Variants in RIOX2 observed in about 807,000 individuals in gnomAD.
The protein encoded by RIOX2 is 60S ribosomal protein L27a histidine hydroxylase.
Under a neutral mutation model 51.2 loss-of-function variants are expected in RIOX2, and 43 were observed. The ratio of observed to expected loss-of-function variants is 0.84; its 90% CI spans 0.66 to 1.08. The LOEUF (loss-of-function observed/expected upper bound fraction) is 1.08, where lower values mean the gene tolerates loss of function less well. RIOX2 is among the 50% of genes least tolerant of loss of function. RIOX2 has a pLI of 0.00. For missense variants in RIOX2, 566 were observed against 561.7 expected (o/e 1.01, Z -0.08); for synonymous variants, 226 against 218.5 (o/e 1.03, Z -0.30).
At chr3:97,969,519 G>A (rs1706039127) in intron 1 of RIOX2, among the ~76,000 whole-genome samples, 1 of 152,224 alleles carries the variant, frequency 6.6e-6, no homozygotes, top group South Asian at 2.1e-4. Flanking sequence ...GATTTTGGGA[G>A]AGTTTCCACC....
At chr3:97,955,699 C>T (rs950499625) in intron 4 of RIOX2, among the ~76,000 whole-genome samples, 3 of 152,126 alleles carry the variant, frequency 2.0e-5, no homozygotes, top group Admixed American at 2.0e-4. Flanking sequence ...CTGAGTGAGA[C>T]TCTCAGGTAT....
chr3:97,959,018 A>G lies in RIOX2; in HGVS notation c.681+33T>C, dbSNP rs766298564. 7 of 1,578,006 alleles carry G rather than the reference A, an allele frequency of 4.4e-6. No homozygotes were observed. In the Admixed American group the frequency reaches 1.1e-4, roughly 24 times the overall value. ...CAATAGGGGAAACCACAATGGCTCT[A>G]ACAATGAGGTGCCCACAACGGTTAT... On this transcript the variant is annotated intron_variant, in intron 4 of 9. Coordinates refer to ENST00000394198, the MANE Select transcript of RIOX2 (RefSeq NM_153182.4).
chr3:97,947,489 G>C (rs769175862), intron 7 of RIOX2, 40 bp from the exon 8 acceptor site: 2 of 1,524,432 alleles, frequency 1.3e-6, no homozygotes, highest in Non-Finnish European at 1.8e-6. Flanking sequence ...CTTCAAAAAA[G>C]GAAACAGGCA....
intron 1 of RIOX2, among the ~76,000 whole-genome samples, chr3:97,969,782 C>G (rs767181651): frequency 1.3e-5 from 2 of 152,286 alleles, no homozygotes; most frequent in South Asian, 4.1e-4. Context: ...CGCTCGAAGA[C>G]CCTTGGAGCC....
At chr3:97,971,888 A>T (rs1051204006) in intron 1 of RIOX2, 6 of 152,468 alleles carry the variant, frequency 3.9e-5, no homozygotes, top group African/African-American at 1.4e-4. Flanking sequence ...ATATGATGTA[A>T]TGCAGCTGCC....
chr3:97,959,141 G>T lies in RIOX2; in HGVS notation c.591C>A (p.Arg197=), dbSNP rs1228898387. Residue 197 remains arginine, a synonymous_variant, in exon 4 of 10, where the codon CGC becomes CGA. Coordinates refer to ENST00000394198, the MANE Select transcript of RIOX2 (RefSeq NM_153182.4). ...ILQLEGEKHW[R]LYHPTVPLAR... ...CCAGGGGCACAGTGGGGTGGTAGAG[G>T]CGCCAGTGTTTCTCTCCCTCCAGCT... The T allele has an allele frequency of 6.2e-7, 1 of 1,613,946 alleles. No homozygotes were observed. Among genetic ancestry groups the T allele is most frequent in the Non-Finnish European group, 8.5e-7 (1 of 1,179,956 alleles).
At chr3:97,953,335 C>T (rs1384057410) in intron 5 of RIOX2, among the ~76,000 whole-genome samples, 1 of 152,148 alleles carries the variant, frequency 6.6e-6, no homozygotes, top group African/African-American at 2.4e-5. Context: ...CAGCAACAAA[C>T]ACAATGTCTA....
At chr3:97,956,306 G>GT (rs1705448402) in intron 4 of RIOX2, among the ~76,000 whole-genome samples, 1 of 152,096 alleles carries the variant, frequency 6.6e-6, no homozygotes, top group African/African-American at 2.4e-5. Context: ...GCTGGAAAAC[G>GT]TAAGTAAACA....
chr3:97,948,470 A>G (rs1241504881), intron 7 of RIOX2, among the ~76,000 whole-genome samples: 2 of 152,166 alleles, frequency 1.3e-5, no homozygotes, highest in East Asian at 3.9e-4. Context: ...CACTGTCACC[A>G]TGATAGGTCA....
At chr3:97,948,508 C>T (rs374911143) in intron 7 of RIOX2, among the ~76,000 whole-genome samples, 1 of 152,132 alleles carries the variant, frequency 6.6e-6, no homozygotes, top group Non-Finnish European at 1.5e-5. Context: ...TCCGTACATA[C>T]TCATGTCTGG....
rs1559754467 is a variant in RIOX2 at position 97,945,873 on chromosome 3, T to G, written c.1164A>C (p.Glu388Asp). 1 of 1,607,566 alleles carries G rather than the reference T, an allele frequency of 6.2e-7. No individual in the cohort carries two copies. The highest frequency in any genetic ancestry group is 8.5e-7 in the Non-Finnish European group (1 of 1,174,724). The change falls in exon 9 of 10, where the codon GAA becomes GAC. Residue 388 changes from glutamate (E) to aspartate (D), a missense_variant. Coordinates refer to ENST00000394198, the MANE Select transcript of RIOX2 (RefSeq NM_153182.4). Reference sequence around the variant, plus strand: ...AGGAATGATAGATGTACACCATCTTTTCTTGAGCTTCATCCTTTGGGGAAA... The same window carrying G: ...AGGAATGATAGATGTACACCATCTTGTCTTGAGCTTCATCCTTTGGGGAAA... ...PDQDQSDEAQ[E>D]KMVYIYHSLK...
At position 97,950,012 on chromosome 3, in the gene RIOX2, C is replaced by A; in HGVS notation, c.892G>T (p.Val298Leu). The A allele has an allele frequency of 6.2e-7, 1 of 1,613,304 alleles. No homozygotes were observed. Among genetic ancestry groups the A allele is most frequent in the Non-Finnish European group, 8.5e-7 (1 of 1,179,824 alleles). The change falls in exon 7 of 10, where the codon GTG becomes TTG. Residue 298 changes from valine (V) to leucine (L), a missense_variant. Val to Leu is a conservative substitution (Grantham distance 32). Coordinates refer to ENST00000394198, the MANE Select transcript of RIOX2 (RefSeq NM_153182.4). ...TGIPRQLLLQ[V>L]ESTTVATRRL... is the part of the protein sequence containing the mutation. ...CTTGTAGCAACAGTTGTGGATTCCA[C>A]CTGCTAGGAACACAGAAGTGAGTCC...
rs922257515 is a variant in RIOX2 at position 97,967,147 on chromosome 3, G to A, written c.432+15C>T. The A allele has an allele frequency of 3.1e-6, 5 of 1,606,798 alleles. No individual in the cohort carries two copies. The African/African-American group carries it at 4.0e-5, about 13-fold the overall frequency. On this transcript the variant is annotated intron_variant, in intron 2 of 9. Coordinates refer to ENST00000394198, the MANE Select transcript of RIOX2 (RefSeq NM_153182.4). ...TTAAAATGTATGAGGATTCTGCAAT[G>A]GGGAAACTGGTTACCTTAAATCTCT...
Position 97,943,627 on chromosome 3 carries a change from G to C in RIOX2, c.*1557C>G, listed in dbSNP as rs1003925747. The C allele has an allele frequency of 2.7e-5, 8 of 292,248 alleles. No homozygotes were observed. The highest frequency in any genetic ancestry group is 6.9e-5 in the African/African-American group (3 of 43,758). 18.1% of individuals were successfully genotyped at this position (292,248 alleles called of 1,614,324 possible). On this transcript the variant is annotated 3_prime_UTR_variant, in exon 10 of 10. Transcript: ENST00000394198. The stretch of plus-strand genomic sequence containing the variant: ...CTCATATCCACCAAACGTGAATCCT[G>C]TTCCTGATGGCCCGTTATTGGACAC...
At chr3:97,968,265 C>T (rs1559766344) in intron 1 of RIOX2, among the ~76,000 whole-genome samples, 1 of 152,088 alleles carries the variant, frequency 6.6e-6, no homozygotes, top group Non-Finnish European at 1.5e-5. Context: ...TTCCTGAAAA[C>T]GGCCACTTTT....
At chr3:97,960,090 T>A (rs1328253278) in intron 3 of RIOX2, among the ~76,000 whole-genome samples, 1 of 152,224 alleles carries the variant, frequency 6.6e-6, no homozygotes, top group Non-Finnish European at 1.5e-5. Context: ...ACAGTTCTTG[T>A]GTATTTTTCA....
Position 97,961,594 on chromosome 3 carries a change from C to T in RIOX2, c.547G>A (p.Val183Ile). The T allele has an allele frequency of 6.3e-7, 1 of 1,598,314 alleles. No individual in the cohort carries two copies. The highest frequency in any genetic ancestry group is 8.5e-7 in the Non-Finnish European group (1 of 1,175,550). Residue 183 changes from valine (V) to isoleucine (I), a missense_variant, in exon 3 of 10, where the codon GTC (valine) becomes ATC (isoleucine). By Grantham distance (29) the Val-to-Ile change is conservative. Coordinates refer to ENST00000394198, the MANE Select transcript of RIOX2 (RefSeq NM_153182.4). The stretch of plus-strand genomic sequence containing the variant: ...CAATTTTCTCCATCTCTTACCTCGA[C>T]ATCATCATAATGGGGCGGCAGGCCC... Reference protein sequence around the residue: ...SQGLPPHYDDVEVFILQLEGE... With the variant: ...SQGLPPHYDDIEVFILQLEGE...
At position 97,961,743 on chromosome 3, in the gene RIOX2, G is replaced by C. The variant is rs77081651; in HGVS notation, c.433-35C>G. On this transcript the variant is annotated intron_variant, in intron 2 of 9. Coordinates refer to ENST00000394198, the MANE Select transcript of RIOX2 (RefSeq NM_153182.4). ...AAAGGAAAAAAGAAAGGGTCGGCGT[G>C]GGGGAGTGAAAAATGTATTAGAAAT... 9.7e-6 allele frequency: 15 copies of C among 1,553,438 alleles called. No homozygotes were observed. The East Asian group carries it at 1.1e-4, about 12-fold the overall frequency.
At chr3:97,955,719 T>C (rs984048577) in intron 4 of RIOX2, among the ~76,000 whole-genome samples, 3 of 152,164 alleles carry the variant, frequency 2.0e-5, no homozygotes, top group Admixed American at 1.3e-4. Context: ...TACAGTCACA[T>C]GCCACTTAAC....
Sources: allele counts gnomAD v4.1 joint callset (sites outside exome capture counted in the v4.1 genomes callset), GRCh38; gene constraint gnomAD v4.1.1; transcripts MANE v1.5; gene names NCBI Gene and HGNC (gene_info 2026-07-23, HGNC 2026-07-21).